Variants in FERMT1 observed in about 807,000 individuals in gnomAD.
FERMT1 encodes the protein FERM domain containing kindlin 1, also known as fermitin family homolog 1.
In FERMT1, 60 loss-of-function variants were observed where a neutral mutation model predicts 85.3. That is an observed-to-expected ratio of 0.70 (90% CI 0.57 to 0.87). The LOEUF is 0.87. FERMT1 is among the 40% of genes least tolerant of loss of function. FERMT1 has a pLI of 0.00. For missense variants in FERMT1, 701 were observed against 818.9 expected, an observed-to-expected ratio of 0.86 and a Z score of 1.76; for synonymous variants, 275 against 301.1, an observed-to-expected ratio of 0.91 and a Z score of 0.90.
intron 14 of FERMT1, among the ~76,000 whole-genome samples, chr20:6,077,707 GTC>G (rs201319158): frequency 2.0e-5 from 3 of 151,990 alleles, no homozygotes; most frequent in African/African-American, 4.8e-5. Flanking sequence ...TTGAGATGGA[GTC>G]TCTCTCTGTC....
chr20:6,105,479 A>G (rs1485805272), intron 6 of FERMT1, among the ~76,000 whole-genome samples: 1 of 152,242 alleles, frequency 6.6e-6, no homozygotes, highest in Non-Finnish European at 1.5e-5. Flanking sequence ...ACCAGAATCA[A>G]GATTTTGTTC....
intron 11 of FERMT1, 35 bp from the exon 12 acceptor site, chr20:6,085,322 G>A (rs1982144682): frequency 1.3e-6 from 2 of 1,588,238 alleles, no homozygotes; most frequent in East Asian, 4.5e-5. Context: ...GCAAGCTCAA[G>A]TGCAAAGCCC....
At chr20:6,081,801 G>A (rs1239555012) in intron 13 of FERMT1, among the ~76,000 whole-genome samples, 1 of 152,150 alleles carries the variant, frequency 6.6e-6, no homozygotes. Flanking sequence ...AGCTGAATAT[G>A]TCACTTTTCA....
At chr20:6,091,337 C>T (rs1325673587) in intron 9 of FERMT1, among the ~76,000 whole-genome samples, 2 of 151,802 alleles carry the variant, frequency 1.3e-5, no homozygotes, top group Non-Finnish European at 1.5e-5. Flanking sequence ...TCAAGCGGTC[C>T]TCATGCCCCA....
chr20:6,086,013 G>A (rs1294162162), intron 11 of FERMT1, among the ~76,000 whole-genome samples: 2 of 151,590 alleles, frequency 1.3e-5, no homozygotes, highest in African/African-American at 4.9e-5. Context: ...GTGGTGGCAG[G>A]CACTTGTAGT....
intron 11 of FERMT1, chr20:6,087,544 C>A: frequency 2.0e-6 from 1 of 493,918 alleles, no homozygotes. Flanking sequence ...CTCCTGACCT[C>A]AGGTGATCTG....
intron 12 of FERMT1, among the ~76,000 whole-genome samples, 189 bp downstream of exon 12, chr20:6,084,877 T>C (rs957120155): frequency 2.6e-5 from 4 of 152,032 alleles, no homozygotes; most frequent in African/African-American, 9.7e-5. Flanking sequence ...ATTTTTAGTA[T>C]AGAAGGGATT....
Position 6,084,174 on chromosome 20 carries a change from A to C in FERMT1, c.1594-10T>G, listed in dbSNP as rs536066036. The C allele has an allele frequency of 1.2e-6, 2 of 1,607,594 alleles. No individual in the cohort carries two copies. The highest frequency in any genetic ancestry group is 4.5e-5 in the East Asian group (2 of 44,666). On this transcript the variant is annotated splice_polypyrimidine_tract_variant and intron_variant, in intron 12 of 14. Coordinates refer to ENST00000217289, the MANE Select transcript of FERMT1 (RefSeq NM_017671.5). Reference sequence around the variant, plus strand: ...GGATCCGGGCGGCCAGCTGAACAGAAACAGACATCAACCTCTCTTCACATG... The same window carrying C: ...GGATCCGGGCGGCCAGCTGAACAGACACAGACATCAACCTCTCTTCACATG...
At chr20:6,078,652 T>TTTG (rs1981903922) in intron 14 of FERMT1, among the ~76,000 whole-genome samples, 1 of 148,814 alleles carries the variant, frequency 6.7e-6, no homozygotes, top group Admixed American at 6.7e-5. Context: ...TTTTGTTTTT[T>TTTG]TTTTTTTTAA....
rs202137913 is a variant in FERMT1 at position 6,112,531 on chromosome 20, T to G, written c.478A>C (p.Ile160Leu). 1 of 1,612,846 alleles carries G rather than the reference T, an allele frequency of 6.2e-7. No individual in the cohort carries two copies. The highest frequency in any genetic ancestry group is 2.2e-5 in the East Asian group (1 of 44,834). ...TCCAGGTTTAGAATATCTTCAATTA[T>G]GGGTTCCTTATTATTTTTGTCTTTT... ...KKKDKNNKEP[I>L]IEDILNLESS... The change falls in exon 4 of 15, where the codon ATA becomes CTA. Residue 160 changes from isoleucine to leucine, a missense_variant. Transcript: ENST00000217289.
intron 7 of FERMT1, 135 bp downstream of exon 7, chr20:6,097,389 A>T: frequency 1.4e-6 from 1 of 723,570 alleles, no homozygotes; most frequent in South Asian, 1.6e-5. Context: ...TAAAAAATAC[A>T]GAAAACAATT....
chr20:6,085,187 G>A lies in FERMT1; in HGVS notation c.1472C>T (p.Ser491Leu). 11 of 1,614,170 alleles carry A rather than the reference G, an allele frequency of 6.8e-6. No individual in the cohort carries two copies. The highest frequency in any genetic ancestry group is 9.3e-6 in the Non-Finnish European group (11 of 1,180,020). The change falls in exon 12 of 15, where the codon TCA (serine) becomes TTA (leucine). Residue 491 changes from serine (S) to leucine (L), a missense_variant. Transcript: ENST00000217289. ...GTTCCTGTTTTTCATCCTCAGAAATGAAAGGATGTTGAGGACCTCTGGCTG... is the reference window on the plus strand; with the variant it reads ...GTTCCTGTTTTTCATCCTCAGAAATAAAAGGATGTTGAGGACCTCTGGCTG... The part of the protein sequence containing the change: ...SYQPEVLNIL[S>L]FLRMKNRNSA...
chr20:6,083,706 CA>C (rs35242103), intron 13 of FERMT1, among the ~76,000 whole-genome samples: 6,189 of 81,952 alleles, frequency 0.076, 219 homozygotes, highest in African/African-American at 0.14. Flanking sequence ...AAAAAAAAAA[CA>C]AAAAAAAAAA....
Position 6,110,368 on chromosome 20 carries a change from G to T in FERMT1, c.676C>A (p.Gln226Lys), listed in dbSNP as rs767540244. ...CSILAFSQPP[Q>K]SPEALADMYQ... ...ATATCCGCAAGTGCTTCTGGGGACTGGGGGGGTTGGCTGAATGCGAGGATG... is the reference window on the plus strand; with the variant it reads ...ATATCCGCAAGTGCTTCTGGGGACTTGGGGGGTTGGCTGAATGCGAGGATG... Residue 226 changes from glutamine (Q) to lysine (K), a missense_variant, in exon 5 of 15, where the codon CAG becomes AAG. Gln to Lys is a moderately conservative substitution (Grantham distance 53). Transcript: ENST00000217289. 12 of 1,612,884 alleles carry T rather than the reference G, an allele frequency of 7.4e-6. No individual in the cohort carries two copies. The highest frequency in any genetic ancestry group is 3.3e-5 in the Admixed American group (2 of 59,974).
chr20:6,087,202 C>T (rs2123104060), intron 11 of FERMT1, among the ~76,000 whole-genome samples: 1 of 152,326 alleles, frequency 6.6e-6, no homozygotes, highest in East Asian at 1.9e-4. Context: ...ACCAGAGGCA[C>T]AGTCCCACCA....
chr20:6,099,001 C>T (rs1681245782), intron 6 of FERMT1, among the ~76,000 whole-genome samples: 1 of 152,198 alleles, frequency 6.6e-6, no homozygotes, highest in South Asian at 2.1e-4. Context: ...ACTTGTACAA[C>T]AATGTTTACA....
At chr20:6,106,088 A>G (rs1304569444) in intron 6 of FERMT1, among the ~76,000 whole-genome samples, 1 of 152,200 alleles carries the variant, frequency 6.6e-6, no homozygotes, top group African/African-American at 2.4e-5. Context: ...GACAGTTGCA[A>G]ATTCACAGTA....
chr20:6,107,677 C>T (rs1212099911), intron 5 of FERMT1, 43 bp from the exon 6 acceptor site: 2 of 974,880 alleles, frequency 2.1e-6, no homozygotes, highest in Admixed American at 3.5e-5. Flanking sequence ...GTCAATTTTA[C>T]ATATATATCC....
chr20:6,116,180 A>G, intron 2 of FERMT1, 136 bp from the exon 3 acceptor site: 5 of 705,812 alleles, frequency 7.1e-6, no homozygotes, highest in Non-Finnish European at 1.2e-5. Flanking sequence ...GCCTTTTACA[A>G]TTCAAGGCTT....
Sources: gnomAD v4.1 joint callset for allele counts (sites outside exome capture counted in the v4.1 genomes callset) on GRCh38, gnomAD v4.1.1 for gene constraint, MANE v1.5 for transcripts, NCBI Gene and HGNC (gene_info 2026-07-23, HGNC 2026-07-21) for gene names.